Variants in SNCAIP observed in about 807,000 individuals in gnomAD.
The protein encoded by SNCAIP is synphilin-1.
A neutral mutation model predicts 86.7 loss-of-function variants in SNCAIP; 43 were observed. The ratio of observed to expected loss-of-function variants is 0.50; its 90% CI spans 0.39 to 0.64. The LOEUF is 0.64. SNCAIP is among the 30% of genes least tolerant of loss of function. The pLI is 0.00. For missense variants in SNCAIP, 981 were observed against 1,103.1 expected, an observed-to-expected ratio of 0.89 and a Z score of 1.57; for synonymous variants, 417 against 427.2, an observed-to-expected ratio of 0.98 and a Z score of 0.29.
chr5:122,428,684 G>A (rs770512401), intron 5 of SNCAIP, among the ~76,000 whole-genome samples: 3 of 151,526 alleles, frequency 2.0e-5, no homozygotes, highest in Non-Finnish European at 2.9e-5. Flanking sequence ...GTGTTGGTTT[G>A]CTGCACCCAT....
chr5:122,418,628 A>G (rs1775771179), intron 3 of SNCAIP, among the ~76,000 whole-genome samples: 1 of 152,184 alleles, frequency 6.6e-6, no homozygotes. Context: ...AAGTTTTGGA[A>G]AGGAGTTAAA....
intron 6 of SNCAIP, among the ~76,000 whole-genome samples, chr5:122,433,358 T>G (rs753406478): frequency 5.9e-5 from 9 of 152,052 alleles, no homozygotes; most frequent in Admixed American, 2.0e-4. Context: ...TTGCACATGG[T>G]CTAATGGCTA....
At chr5:122,351,058 A>G (rs1438305016) in intron 1 of SNCAIP, among the ~76,000 whole-genome samples, 6 of 152,202 alleles carry the variant, frequency 3.9e-5, no homozygotes, top group Admixed American at 3.3e-4. Flanking sequence ...TTACTCTGCT[A>G]TGCCTCCAAC....
intron 1 of SNCAIP, among the ~76,000 whole-genome samples, chr5:122,373,137 C>G (rs1580772267): frequency 6.6e-6 from 1 of 152,052 alleles, no homozygotes; most frequent in Non-Finnish European, 1.5e-5. Context: ...TAATTTTATT[C>G]TCTCCATCAC....
At chr5:122,371,603 A>G (rs2152793881) in intron 1 of SNCAIP, 1 of 152,330 alleles carries the variant, frequency 6.6e-6, no homozygotes, top group South Asian at 2.1e-4. Context: ...TGTACCAATT[A>G]TAAATCATCA....
At chr5:122,442,280 G>GA (rs1313036965) in intron 7 of SNCAIP, among the ~76,000 whole-genome samples, 1 of 152,072 alleles carries the variant, frequency 6.6e-6, no homozygotes, top group East Asian at 1.9e-4. Context: ...CAGGAAGGTA[G>GA]AGGAGACTTG....
intron 1 of SNCAIP, among the ~76,000 whole-genome samples, chr5:122,323,733 T>G (rs57177143): frequency 6.6e-6 from 1 of 152,206 alleles, no homozygotes; most frequent in Non-Finnish European, 1.5e-5. Context: ...GTGAGGCTAA[T>G]TGATGGCTTT....
intron 2 of SNCAIP, among the ~76,000 whole-genome samples, chr5:122,394,480 T>C (rs1009387245): frequency 1.4e-4 from 22 of 152,224 alleles, no homozygotes; most frequent in Non-Finnish European, 1.5e-5. Flanking sequence ...TACATTCTTG[T>C]AATCCTGCCA....
intron 1 of SNCAIP, among the ~76,000 whole-genome samples, chr5:122,382,743 G>A (rs1233304890): frequency 3.4e-4 from 52 of 152,224 alleles, no homozygotes; most frequent in Admixed American, 1.2e-3. Context: ...CTTTCTGTTC[G>A]TTAGTTTTCC....
intron 10 of SNCAIP, among the ~76,000 whole-genome samples, chr5:122,461,667 C>CTTT (rs1786290635): frequency 1.6e-5 from 2 of 125,514 alleles, no homozygotes; most frequent in African/African-American, 5.7e-5. Flanking sequence ...TTTTTTATAG[C>CTTT]TGTTTTTTTT....
chr5:122,425,245 A>G, intron 4 of SNCAIP, 107 bp from the exon 5 acceptor site: 1 of 857,314 alleles, frequency 1.2e-6, no homozygotes, highest in Non-Finnish European at 2.0e-6. Context: ...GGCTGCCACC[A>G]GAGCTTCTAT....
intron 1 of SNCAIP, among the ~76,000 whole-genome samples, chr5:122,382,556 C>T (rs1364843146): frequency 1.3e-5 from 2 of 152,228 alleles, no homozygotes; most frequent in Non-Finnish European, 2.9e-5. Flanking sequence ...CAAAGTCATT[C>T]TCCATCCAGC....
At chr5:122,432,858 T>C (rs1452068611) in intron 6 of SNCAIP, among the ~76,000 whole-genome samples, 1 of 152,160 alleles carries the variant, frequency 6.6e-6, no homozygotes, top group Non-Finnish European at 1.5e-5. Context: ...TCTTAAAAAA[T>C]AATAGTACTG....
At chr5:122,379,820 C>G (rs1191240799) in intron 1 of SNCAIP, among the ~76,000 whole-genome samples, 23 of 148,652 alleles carry the variant, frequency 1.5e-4, no homozygotes, top group Admixed American at 5.4e-4. Context: ...GTCTTTGGCT[C>G]TGTTTATATG....
intron 5 of SNCAIP, among the ~76,000 whole-genome samples, chr5:122,429,696 T>G (rs541834317): frequency 6.6e-6 from 1 of 152,252 alleles, no homozygotes; most frequent in African/African-American, 2.4e-5. Flanking sequence ...TTGCGAAATT[T>G]AAGGAAAGTC....
chr5:122,356,651 C>T (rs1177652279), intron 1 of SNCAIP, among the ~76,000 whole-genome samples: 1 of 152,188 alleles, frequency 6.6e-6, no homozygotes, highest in Non-Finnish European at 1.5e-5. Context: ...CTCCCCAGTG[C>T]CTGCTGGCAT....
chr5:122,321,235 T>C (rs2152669619), intron 1 of SNCAIP: 1 of 152,326 alleles, frequency 6.6e-6, no homozygotes, highest in African/African-American at 2.4e-5. Context: ...CCATATGTAA[T>C]CCATATAAAA....
chr5:122,350,416 A>G (rs1011572267), intron 1 of SNCAIP, among the ~76,000 whole-genome samples: 4 of 151,964 alleles, frequency 2.6e-5, no homozygotes, highest in African/African-American at 9.7e-5. Context: ...ACAATAGTAT[A>G]TTTTAGTGTA....
chr5:122,428,272 CCAGGCCCATAGACTTTGG>C (rs1777735664), intron 5 of SNCAIP, among the ~76,000 whole-genome samples: 2 of 152,102 alleles, frequency 1.3e-5, no homozygotes, highest in Admixed American at 1.3e-4. Context: ...GCAAGTGGCC[CCAGGCCCATAGACTTTGG>C]CAGGCAAAAA....
Sources: allele counts gnomAD v4.1 joint callset (sites outside exome capture counted in the v4.1 genomes callset), GRCh38; gene constraint gnomAD v4.1.1; transcripts MANE v1.5; gene names NCBI Gene and HGNC (gene_info 2026-07-23, HGNC 2026-07-21).